The following SLC8B1 variants were observed in gnomAD, a reference collection of about 807,000 sequenced individuals.
The protein encoded by SLC8B1 is mitochondrial sodium/calcium exchanger protein.
A neutral mutation model predicts 63.4 loss-of-function variants in SLC8B1; 52 were observed. The ratio of observed to expected loss-of-function variants is 0.82; its 90% confidence interval spans 0.66 to 1.03. The LOEUF (loss-of-function observed/expected upper bound fraction) is 1.03, where lower values mean the gene tolerates loss of function less well. Ranked by LOEUF, SLC8B1 falls within the 50% of genes least tolerant of loss-of-function variation. The pLI is 0.00. For synonymous variants in SLC8B1, 336 were observed against 323.9 expected, an observed-to-expected ratio of 1.04 and a Z score of -0.40; for missense variants, 657 against 741.7, an observed-to-expected ratio of 0.89 and a Z score of 1.33.
chr12:113,317,288 C>G (rs1276949404), intron 8 of SLC8B1, among the ~76,000 whole-genome samples: 1 of 152,112 alleles, frequency 6.6e-6, no homozygotes, highest in Non-Finnish European at 1.5e-5. Context: ...TGGGGTCTTG[C>G]TATGTTGGCC....
chr12:113,322,005 C>T (rs1188456030), intron 2 of SLC8B1, among the ~76,000 whole-genome samples: 8 of 151,788 alleles, frequency 5.3e-5, no homozygotes, highest in Admixed American at 3.9e-4. Flanking sequence ...CCAGCCTGGA[C>T]AACATAGCAA....
chr12:113,310,289 A>C lies in SLC8B1; in HGVS notation c.1202T>G (p.Leu401Trp). 1 of 1,614,130 alleles carries C rather than the reference A, an allele frequency of 6.2e-7. No individual in the cohort carries two copies. The highest frequency in any genetic ancestry group is 8.5e-7 in the Non-Finnish European group (1 of 1,180,026). The change falls in exon 12 of 16, where the codon TTG becomes TGG. Residue 401 changes from leucine (L) to tryptophan (W), a missense_variant. Physicochemically the swap from Leu to Trp is moderately conservative, Grantham distance 61. Transcript: ENST00000680972. Reference protein sequence around the residue: ...WVVVVIAGTALASVTFFATSD... With the variant: ...WVVVVIAGTAWASVTFFATSD... ...TGTGGCAAAAAAGGTCACTGAAGCC[A>C]AGGCTGTGCCTGCGATCACCACCAC...
Position 113,316,838 on chromosome 12 carries a change from T to A in SLC8B1, c.862+104A>T, listed in dbSNP as rs1378860509. ...AGCTGCAGTGAGAGGTGGGGCCGAT[T>A]TGGAGCCTCATTCCTGGAGCCCAGG... On this transcript the variant is annotated intron_variant, in intron 9 of 15. Transcript: ENST00000680972. 4 of 1,502,550 alleles carry A rather than the reference T, an allele frequency of 2.7e-6. No homozygotes were observed. In the African/African-American group the frequency reaches 5.5e-5, roughly 21 times the overall value. The allele number at this position is 1,502,550 out of a possible 1,614,324, so 93.1% of individuals were successfully genotyped here.
chr12:113,313,953 T>C (rs1956797575), intron 11 of SLC8B1, among the ~76,000 whole-genome samples: 1 of 152,126 alleles, frequency 6.6e-6, no homozygotes. Context: ...GAGGTTGCAG[T>C]GAGCTGAGAT....
rs547555384 is a variant in SLC8B1, at chr12:113,306,352, G to C, written c.1492+143C>G. ...GCACTCCCCAAATCCCTATTTTAAA[G>C]CCTTGGAGCCTGAGGCTCAGGCAGC... On this transcript the variant is annotated intron_variant, in intron 14 of 15. Transcript: ENST00000680972. 14 of 605,066 alleles carry C rather than the reference G, an allele frequency of 2.3e-5. No homozygotes were observed. The South Asian group carries it at 3.9e-4, about 17-fold the overall frequency. 37.5% of individuals were successfully genotyped at this position (605,066 alleles called of 1,614,324 possible).
At chr12:113,324,233 A>C (rs1425970482) in intron 2 of SLC8B1, among the ~76,000 whole-genome samples, 1 of 151,168 alleles carries the variant, frequency 6.6e-6, no homozygotes, top group African/African-American at 2.4e-5. Flanking sequence ...GGATTGCTTG[A>C]GTCTGGGAGG....
At chr12:113,330,292 G>C (rs1022725658) in intron 2 of SLC8B1, among the ~76,000 whole-genome samples, 2 of 152,232 alleles carry the variant, frequency 1.3e-5, no homozygotes, top group Non-Finnish European at 2.9e-5. Flanking sequence ...AAGGTAAGGG[G>C]CTGGGGGGGC....
intron 2 of SLC8B1, among the ~76,000 whole-genome samples, chr12:113,327,342 G>A (rs1356417017): frequency 6.6e-6 from 1 of 152,056 alleles, no homozygotes; most frequent in Non-Finnish European, 1.5e-5. Flanking sequence ...AGTGATTTTG[G>A]GCAAGTAAAT....
chr12:113,318,673 T>C (rs1956878289), intron 8 of SLC8B1, among the ~76,000 whole-genome samples: 1 of 152,212 alleles, frequency 6.6e-6, no homozygotes, highest in African/African-American at 2.4e-5. Context: ...TGTTTTACCC[T>C]GAGAATGGTG....
chr12:113,322,663 G>A (rs1956946274), intron 2 of SLC8B1, among the ~76,000 whole-genome samples: 1 of 152,078 alleles, frequency 6.6e-6, no homozygotes, highest in Non-Finnish European at 1.5e-5. Flanking sequence ...AAAGGGAAGT[G>A]GGCCCGGGTG....
intron 2 of SLC8B1, among the ~76,000 whole-genome samples, chr12:113,322,745 G>A (rs990333843): frequency 4.0e-5 from 6 of 151,840 alleles, no homozygotes; most frequent in African/African-American, 1.5e-4. Context: ...TCAGGAGTTC[G>A]AGACCAGCCT....
Position 113,321,285 on chromosome 12 carries a change from A to G in SLC8B1, c.220T>C (p.Cys74Arg). The G allele has an allele frequency of 6.2e-7, 1 of 1,614,158 alleles. No individual in the cohort carries two copies. The highest frequency in any genetic ancestry group is 8.5e-7 in the Non-Finnish European group (1 of 1,180,030). Residue 74 changes from cysteine to arginine, a missense_variant, in exon 3 of 16, where the codon TGC (cysteine) becomes CGC (arginine). By Grantham distance (180) the Cys-to-Arg change is radical. Transcript: ENST00000680972. ...TCCAGGTACCCCCCATCACTGTGGCAGTCAGGGTTGGTCCGGATGAAGTCA... is the reference window on the plus strand; with the variant it reads ...TCCAGGTACCCCCCATCACTGTGGCGGTCAGGGTTGGTCCGGATGAAGTCA... ...RCDFIRTNPD[C>R]HSDGGYLDYL...
intron 11 of SLC8B1, among the ~76,000 whole-genome samples, chr12:113,311,395 A>T (rs1420181966): frequency 2.0e-5 from 3 of 152,078 alleles, no homozygotes; most frequent in Non-Finnish European, 4.4e-5. Context: ...GGTTGCAGTG[A>T]GCTGAGATCG....
chr12:113,332,149 C>T (rs1386755515), intron 2 of SLC8B1, among the ~76,000 whole-genome samples: 2 of 152,206 alleles, frequency 1.3e-5, no homozygotes, highest in East Asian at 3.8e-4. Context: ...CACCCCCTCA[C>T]AGAAGCCATC....
intron 8 of SLC8B1, among the ~76,000 whole-genome samples, chr12:113,317,212 ACCTCAACCTC>A (rs1956846936): frequency 6.6e-6 from 1 of 151,772 alleles, no homozygotes; most frequent in African/African-American, 2.4e-5. Flanking sequence ...CAATCCTCCC[ACCTCAACCTC>A]CCTCCCTCCC....
At chr12:113,311,492 C>T in intron 11 of SLC8B1, among the ~76,000 whole-genome samples, 1 of 151,088 alleles carries the variant, frequency 6.6e-6, no homozygotes, top group East Asian at 1.9e-4. Context: ...TGGTGGTGGG[C>T]ACCTGTCGTC....
intron 8 of SLC8B1, among the ~76,000 whole-genome samples, chr12:113,317,912 T>C (rs988996961): frequency 7.2e-5 from 11 of 152,334 alleles, no homozygotes; most frequent in African/African-American, 2.6e-4. Context: ...ATGGCATGCA[T>C]GTATGTGTAT....
chr12:113,333,910 T>C (rs1957092483), intron 1 of SLC8B1, among the ~76,000 whole-genome samples: 1 of 152,194 alleles, frequency 6.6e-6, no homozygotes, highest in Non-Finnish European at 1.5e-5. Context: ...GGTTTCGCCA[T>C]GTTGGCCAGG....
chr12:113,307,630 A>G (rs1593240193), intron 13 of SLC8B1, 61 bp downstream of exon 13: 1 of 1,561,640 alleles, frequency 6.4e-7, no homozygotes. Flanking sequence ...TGGCTGGGGG[A>G]GGAAAGAGCT....
Sources: allele counts gnomAD v4.1 joint callset (sites outside exome capture counted in the v4.1 genomes callset), GRCh38; gene constraint gnomAD v4.1.1; transcripts MANE v1.5; gene names NCBI Gene and HGNC (gene_info 2026-07-23, HGNC 2026-07-21).